PCNX2: variants seen among roughly 807,000 people sequenced by gnomAD.
PCNX2 encodes pecanex-like protein 2.
PCNX2 carries 168 observed loss-of-function variants against 223.8 expected under a neutral mutation model. The ratio of observed to expected loss-of-function variants is 0.75; its 90% confidence interval spans 0.66 to 0.85. PCNX2 has a LOEUF of 0.85. Ranked by LOEUF, PCNX2 falls within the 40% of genes least tolerant of loss-of-function variation. The pLI is 0.00. For synonymous variants in PCNX2, 1,006 were observed against 1,052.6 expected (o/e 0.96, Z 0.86); for missense variants, 2,507 against 2,675.5 (o/e 0.94, Z 1.39).
At chr1:233,290,332 T>G (rs1661690468) in intron 1 of PCNX2, among the ~76,000 whole-genome samples, 1 of 152,200 alleles carries the variant, frequency 6.6e-6, no homozygotes, top group East Asian at 1.9e-4. Context: ...CAGTTTACTT[T>G]GAAATGCATC....
At chr1:233,205,476 C>G (rs987733211) in intron 13 of PCNX2, among the ~76,000 whole-genome samples, 1 of 152,100 alleles carries the variant, frequency 6.6e-6, no homozygotes, top group African/African-American at 2.4e-5. Context: ...GGTGGATCAC[C>G]TGAGGTCAGG....
chr1:233,128,332 T>G (rs1236419930), intron 21 of PCNX2, among the ~76,000 whole-genome samples: 1 of 152,088 alleles, frequency 6.6e-6, no homozygotes, highest in Admixed American at 6.6e-5. Context: ...GTTTTTTTTT[T>G]GTTTTGTTTT....
intron 15 of PCNX2, among the ~76,000 whole-genome samples, chr1:233,197,798 T>G (rs1298288425): frequency 6.6e-6 from 1 of 152,198 alleles, no homozygotes; most frequent in East Asian, 1.9e-4. Flanking sequence ...ATCAGTTTAA[T>G]ATGATTTAAG....
At chr1:233,017,484 A>AT (rs1335973531) in intron 26 of PCNX2, among the ~76,000 whole-genome samples, 1 of 151,574 alleles carries the variant, frequency 6.6e-6, no homozygotes, top group African/African-American at 2.4e-5. Flanking sequence ...CGCCCAGCTA[A>AT]TTTTTTCTAT....
chr1:233,145,656 T>C (rs1371427978), intron 19 of PCNX2, among the ~76,000 whole-genome samples: 3 of 152,152 alleles, frequency 2.0e-5, no homozygotes, highest in African/African-American at 4.8e-5. Context: ...TACCGGAGGC[T>C]GCCAGGGGCA....
intron 13 of PCNX2, among the ~76,000 whole-genome samples, chr1:233,202,632 T>C (rs898445324): frequency 1.3e-5 from 2 of 152,232 alleles, no homozygotes; most frequent in South Asian, 4.2e-4. Context: ...AAACAAGACA[T>C]AGGAATGGGA....
At chr1:233,190,439 C>A (rs970207898) in intron 15 of PCNX2, among the ~76,000 whole-genome samples, 3 of 152,126 alleles carry the variant, frequency 2.0e-5, no homozygotes, top group African/African-American at 7.2e-5. Context: ...CAGTCTGAGA[C>A]TATTAGAAAA....
chr1:233,095,884 AT>A (rs777317265), intron 21 of PCNX2, 21 bp from the exon 22 acceptor site: 1 of 1,538,008 alleles, frequency 6.5e-7, no homozygotes, highest in African/African-American at 1.4e-5. Context: ...AAGAAAAAAA[AT>A]TCATCAGAGA....
intron 25 of PCNX2, among the ~76,000 whole-genome samples, chr1:233,027,637 G>A (rs747724725): frequency 2.0e-5 from 3 of 152,088 alleles, no homozygotes; most frequent in Non-Finnish European, 2.9e-5. Context: ...GAAAACTTAC[G>A]TCAAGGGTCA....
At position 233,014,681 on chromosome 1, in the gene PCNX2, G is replaced by A; in HGVS notation, c.4936C>T (p.His1646Tyr). ...CCCAGGTACCTGATGGCCATATTGTGAGCGGCTGTTCCCAGAGCTCTCCTC... is the reference window on the plus strand; with the variant it reads ...CCCAGGTACCTGATGGCCATATTGTAAGCGGCTGTTCCCAGAGCTCTCCTC... Reference protein sequence around the residue: ...LGRRALGTAAHNMAISLDSFL... With the variant: ...LGRRALGTAAYNMAISLDSFL... The change falls in exon 28 of 34, where the codon CAC (histidine) becomes TAC (tyrosine). Residue 1646 changes from histidine to tyrosine, a missense_variant. Physicochemically the swap from His to Tyr is moderately conservative, Grantham distance 83. Transcript: ENST00000258229. The A allele has an allele frequency of 6.2e-7, 1 of 1,613,914 alleles. No homozygotes were observed. The highest frequency in any genetic ancestry group is 1.7e-5 in the Admixed American group (1 of 60,026).
chr1:233,044,311 C>G (rs1038406800), intron 25 of PCNX2, among the ~76,000 whole-genome samples: 1 of 152,056 alleles, frequency 6.6e-6, no homozygotes, highest in East Asian at 1.9e-4. Flanking sequence ...GATATTAGCC[C>G]TTTGTCAGAT....
intron 23 of PCNX2, among the ~76,000 whole-genome samples, chr1:233,075,327 G>A (rs1324371846): frequency 1.3e-5 from 2 of 152,086 alleles, no homozygotes; most frequent in Non-Finnish European, 1.5e-5. Flanking sequence ...AATCCCAAAA[G>A]GTTAAACAGT....
chr1:233,241,226 C>T lies in PCNX2; in HGVS notation c.2223-4246G>A, dbSNP rs1048935098. 6 of 985,242 alleles carry T rather than the reference C, an allele frequency of 6.1e-6. No homozygotes were observed. In the African/African-American group the frequency reaches 1.0e-4, roughly 17 times the overall value. 61.0% of individuals were successfully genotyped at this position (985,242 alleles called of 1,614,324 possible). A position where few individuals can be genotyped will look rare whatever the true frequency, so the allele number is the denominator to read the frequency against. On this transcript the variant is annotated intron_variant, in intron 8 of 33. Transcript: ENST00000258229. ...GTATCGGAGAAAAAGGCAGCAACAC[C>T]GTGGAAGTGAGGCAAGGCTGGGAGC... is the stretch of plus-strand genomic sequence containing the variant.
chr1:233,078,203 T>C (rs1673186009), intron 23 of PCNX2, among the ~76,000 whole-genome samples: 1 of 152,236 alleles, frequency 6.6e-6, no homozygotes, highest in South Asian at 2.1e-4. Flanking sequence ...TACAGTGGTC[T>C]GCTGTTATAA....
chr1:233,185,619 T>G (rs1225607227), intron 15 of PCNX2, among the ~76,000 whole-genome samples: 1 of 152,192 alleles, frequency 6.6e-6, no homozygotes, highest in African/African-American at 2.4e-5. Context: ...TTGTTGCCTA[T>G]TTCAGGGCTT....
At chr1:233,248,918 G>A (rs1659288440) in intron 8 of PCNX2, among the ~76,000 whole-genome samples, 1 of 152,168 alleles carries the variant, frequency 6.6e-6, no homozygotes, top group South Asian at 2.1e-4. Context: ...CTATGTCCAG[G>A]CAGCTGTGGA....
intron 23 of PCNX2, 27 bp from the exon 24 acceptor site, chr1:233,057,317 G>T (rs775037935): frequency 8.9e-6 from 14 of 1,573,832 alleles, no homozygotes; most frequent in East Asian, 6.7e-5. Context: ...AAGGGTAAAA[G>T]GTCATGATTA....
At chr1:233,227,404 G>A in intron 9 of PCNX2, 33 bp from the exon 10 acceptor site, 4 of 1,596,992 alleles carry the variant, frequency 2.5e-6, no homozygotes, top group Non-Finnish European at 3.4e-6. Flanking sequence ...ACAGAAAAAA[G>A]GGCTTTATGT....
At chr1:233,200,676 G>A (rs897441596) in intron 13 of PCNX2, among the ~76,000 whole-genome samples, 3 of 151,716 alleles carry the variant, frequency 2.0e-5, no homozygotes, top group Non-Finnish European at 2.9e-5. Flanking sequence ...TTGGACATGG[G>A]GGAGATGAGG....
Sources: gnomAD v4.1 joint callset for allele counts (sites outside exome capture counted in the v4.1 genomes callset) on GRCh38, gnomAD v4.1.1 for gene constraint, MANE v1.5 for transcripts, NCBI Gene and HGNC (gene_info 2026-07-23, HGNC 2026-07-21) for gene names.